The following MYO1E variants were observed in gnomAD, a reference collection of about 807,000 sequenced individuals.
MYO1E encodes unconventional myosin-Ie.
A neutral mutation model predicts 151.1 loss-of-function variants in MYO1E; 68 were observed. That is an observed-to-expected ratio of 0.45 (90% CI 0.37 to 0.55). MYO1E has a LOEUF of 0.55. Ranked by LOEUF, MYO1E falls within the 20% of genes least tolerant of loss-of-function variation. The pLI, the probability that MYO1E is intolerant of heterozygous loss-of-function variation, is 0.00. For missense variants in MYO1E, 1,363 were observed against 1,389.3 expected (o/e 0.98, Z 0.30); for synonymous variants, 601 against 501.7 (o/e 1.20, Z -2.64).
At chr15:59,300,808 A>G (rs2080477502) in intron 1 of MYO1E, among the ~76,000 whole-genome samples, 2 of 152,006 alleles carry the variant, frequency 1.3e-5, no homozygotes, top group African/African-American at 4.8e-5. Flanking sequence ...AATCACAATC[A>G]TAACAAACTC....
intron 6 of MYO1E, among the ~76,000 whole-genome samples, chr15:59,230,564 T>A (rs2080022202): frequency 6.6e-6 from 1 of 152,184 alleles, no homozygotes; most frequent in South Asian, 2.1e-4. Flanking sequence ...AATTCTTCTT[T>A]CCTATTTTAT....
intron 24 of MYO1E, among the ~76,000 whole-genome samples, chr15:59,160,340 T>TGTGC (rs1452934699): frequency 1.8e-5 from 2 of 112,566 alleles, no homozygotes; most frequent in African/African-American, 1.0e-4. Flanking sequence ...GTAGTGCGTG[T>TGTGC]GTGTGTGTGT....
chr15:59,174,966 C>T (rs559284039), intron 19 of MYO1E, among the ~76,000 whole-genome samples: 1 of 152,218 alleles, frequency 6.6e-6, no homozygotes, highest in African/African-American at 2.4e-5. Flanking sequence ...TCAACCAGGC[C>T]TTGGAATGAT....
At chr15:59,269,627 G>A (rs1251218191) in intron 2 of MYO1E, among the ~76,000 whole-genome samples, 6 of 152,202 alleles carry the variant, frequency 3.9e-5, no homozygotes, top group Admixed American at 6.5e-5. Context: ...GGAGGCTGAG[G>A]TGGACAGATC....
At chr15:59,236,769 A>C (rs558287465) in intron 4 of MYO1E, 97 bp from the exon 5 acceptor site, 31 of 1,161,040 alleles carry the variant, frequency 2.7e-5, no homozygotes, top group Middle Eastern at 2.1e-4. Context: ...AACAAACAAA[A>C]AAACAAAAAA....
rs1210056566 is a variant in MYO1E, at chr15:59,291,698, A to T, written c.4-19249T>A. ...TAAAAATACTAAAAAAAAAAAAAAAAAAAAAAAAAAAAAAGAGAGAGAGAG... is the reference window on the plus strand; with the variant it reads ...TAAAAATACTAAAAAAAAAAAAAAATAAAAAAAAAAAAAAGAGAGAGAGAG... On this transcript the variant is annotated intron_variant, in intron 1 of 27. Coordinates refer to ENST00000288235, the MANE Select transcript of MYO1E (RefSeq NM_004998.4). Among the ~76,000 whole-genome samples, 6 of 144,890 alleles carry T rather than the reference A, an allele frequency of 4.1e-5. No individual in the cohort carries two copies. The Admixed American group carries it at 4.2e-4, about 10-fold the overall frequency.
chr15:59,170,939 T>C (rs1287331555), intron 22 of MYO1E, among the ~76,000 whole-genome samples: 1 of 152,136 alleles, frequency 6.6e-6, no homozygotes, highest in African/African-American at 2.4e-5. Context: ...TTGACAGGCG[T>C]CCCAATTCCA....
At chr15:59,372,134 C>T (rs2080949573) in intron 1 of MYO1E, among the ~76,000 whole-genome samples, 2 of 151,458 alleles carry the variant, frequency 1.3e-5, no homozygotes, top group Non-Finnish European at 3.0e-5. Flanking sequence ...CCGAGCACCT[C>T]CCCTGCCGGC....
chr15:59,208,254 C>T, intron 14 of MYO1E: 1 of 627,188 alleles, frequency 1.6e-6, no homozygotes. Flanking sequence ...CATCCACGTG[C>T]TGGACGATAC....
rs186833449 is a variant in MYO1E, at chr15:59,133,005, A to C, written c.*4375T>G. 3.5e-3 allele frequency: 535 copies of C among 152,302 alleles called. 4 individuals carry two copies. Among genetic ancestry groups the C allele is most frequent in the African/African-American group, 0.012 (501 of 41,568 alleles). 9.4% of individuals were successfully genotyped at this position (152,302 alleles called of 1,614,324 possible). On this transcript the variant is annotated 3_prime_UTR_variant, in exon 28 of 28. Transcript: ENST00000288235. Reference sequence around the variant, plus strand: ...TTTTTAAATAGACTTTTATGTTCTGAGAGGAAGATATTGGAAGTTGAAAGG... The same window carrying C: ...TTTTTAAATAGACTTTTATGTTCTGCGAGGAAGATATTGGAAGTTGAAAGG...
At chr15:59,189,123 G>T (rs1347266680) in intron 17 of MYO1E, among the ~76,000 whole-genome samples, 2 of 151,560 alleles carry the variant, frequency 1.3e-5, no homozygotes, top group Non-Finnish European at 2.9e-5. Context: ...TTGTAGTGAT[G>T]TGATAGCTCA....
At chr15:59,347,522 C>G (rs2080801323) in intron 1 of MYO1E, among the ~76,000 whole-genome samples, 1 of 152,024 alleles carries the variant, frequency 6.6e-6, no homozygotes, top group African/African-American at 2.4e-5. Flanking sequence ...TATAAATTGC[C>G]AAGAACTCAC....
At chr15:59,214,140 A>G in intron 12 of MYO1E, 88 bp downstream of exon 12, 3 of 1,137,090 alleles carry the variant, frequency 2.6e-6, no homozygotes, top group Non-Finnish European at 3.8e-6. Flanking sequence ...ACTGGAACCG[A>G]AATCTATTAA....
chr15:59,245,583 C>T (rs528676704), intron 4 of MYO1E, among the ~76,000 whole-genome samples: 1 of 152,288 alleles, frequency 6.6e-6, no homozygotes, highest in African/African-American at 2.4e-5. Flanking sequence ...GACAGATGGT[C>T]TACTCACCAG....
chr15:59,172,123 G>A (rs775912272), intron 21 of MYO1E, 81 bp from the exon 22 acceptor site: 9 of 1,510,786 alleles, frequency 6.0e-6, no homozygotes, highest in South Asian at 3.5e-5. Flanking sequence ...TTCGGAGGCC[G>A]AGGCGGGTGA....
chr15:59,243,519 G>C (rs1055864806), intron 4 of MYO1E, among the ~76,000 whole-genome samples: 1 of 152,166 alleles, frequency 6.6e-6, no homozygotes, highest in Non-Finnish European at 1.5e-5. Context: ...GCTAGTGAGT[G>C]GAAGAGCTAG....
In MYO1E at chr15:59,261,398, A is replaced by G. The variant is rs113559686; in HGVS notation, c.237+22T>C. 689 of 1,547,234 alleles carry G rather than the reference A, an allele frequency of 4.5e-4. 4 individuals are homozygous for G. In the Middle Eastern group the frequency reaches 0.013, roughly 28 times the overall value. ...CATAAAAGCCCTAAATAAGGCAGTAATTTATGTGACACGTAACTTACCGCT... is the reference window on the plus strand; with the variant it reads ...CATAAAAGCCCTAAATAAGGCAGTAGTTTATGTGACACGTAACTTACCGCT... On this transcript the variant is annotated intron_variant, in intron 3 of 27. Coordinates refer to ENST00000288235, the MANE Select transcript of MYO1E (RefSeq NM_004998.4).
intron 1 of MYO1E, among the ~76,000 whole-genome samples, chr15:59,301,276 A>G (rs1182096417): frequency 2.0e-5 from 3 of 152,224 alleles, no homozygotes; most frequent in African/African-American, 4.8e-5. Flanking sequence ...GGATTCAACA[A>G]TAAGAATGTA....
At chr15:59,291,657 G>A (rs2080419093) in intron 1 of MYO1E, among the ~76,000 whole-genome samples, 1 of 102,398 alleles carries the variant, frequency 9.8e-6, no homozygotes, top group Non-Finnish European at 1.8e-5. Flanking sequence ...CCAACATGGT[G>A]AAATCCCGTC....
Sources: allele counts gnomAD v4.1 joint callset (sites outside exome capture counted in the v4.1 genomes callset), GRCh38; gene constraint gnomAD v4.1.1; transcripts MANE v1.5; gene names NCBI Gene and HGNC (gene_info 2026-07-23, HGNC 2026-07-21).